The following TXNDC16 variants were observed in gnomAD, a reference collection of about 807,000 sequenced individuals.
TXNDC16 encodes the protein thioredoxin domain-containing protein 16.
A neutral mutation model predicts 85.6 loss-of-function variants in TXNDC16; 74 were observed. That is an observed-to-expected ratio of 0.86 (90% CI 0.72 to 1.05). TXNDC16 has a LOEUF of 1.05. TXNDC16 is among the 50% of genes least tolerant of loss of function. The pLI is 0.00. For synonymous variants in TXNDC16, 335 were observed against 326.5 expected (o/e 1.03, Z -0.28); for missense variants, 959 against 947.0 (o/e 1.01, Z -0.17).
Position 52,453,975 on chromosome 14 carries a change from G to A in TXNDC16, c.1842+1349C>T, listed in dbSNP as rs141671240. ...AATAAAGAAGACCTAGTATTTGCCA[G>A]TATAACAGGGTGATATAGTAAAAAA... On this transcript the variant is annotated intron_variant, in intron 18 of 20. Coordinates refer to ENST00000281741, the MANE Select transcript of TXNDC16 (RefSeq NM_020784.3). Among the ~76,000 whole-genome samples, 458 of 152,302 alleles carry A rather than the reference G, an allele frequency of 3.0e-3. 1 individual carries two copies. Among genetic ancestry groups the A allele is most frequent in the Non-Finnish European group, 4.0e-3 (270 of 68,020 alleles).
chr14:52,439,118 C>T (rs1020625418), intron 20 of TXNDC16, 86 bp downstream of exon 20: 21 of 1,345,434 alleles, frequency 1.6e-5, no homozygotes, highest in Non-Finnish European at 2.1e-5. Flanking sequence ...AATAACTCAT[C>T]CTACCATTCT....
At chr14:52,489,663 G>C (rs1394213216) in intron 11 of TXNDC16, among the ~76,000 whole-genome samples, 1 of 152,000 alleles carries the variant, frequency 6.6e-6, no homozygotes, top group East Asian at 1.9e-4. Flanking sequence ...TTTAAGTATA[G>C]AGTTTGATGG....
At chr14:52,504,569 A>AGT (rs2036745095) in intron 9 of TXNDC16, among the ~76,000 whole-genome samples, 1 of 152,250 alleles carries the variant, frequency 6.6e-6, no homozygotes, top group Non-Finnish European at 1.5e-5. Flanking sequence ...TCCTGAAGGA[A>AGT]GCAATAAACA....
chr14:52,445,192 C>G (rs1310377537), intron 18 of TXNDC16, among the ~76,000 whole-genome samples: 1 of 152,096 alleles, frequency 6.6e-6, no homozygotes, highest in Non-Finnish European at 1.5e-5. Context: ...TCCAAAAATA[C>G]TACACTATGT....
intron 4 of TXNDC16, among the ~76,000 whole-genome samples, chr14:52,541,712 T>G (rs1298065315): frequency 4.6e-5 from 7 of 152,162 alleles, no homozygotes; most frequent in Non-Finnish European, 7.4e-5. Flanking sequence ...CAGAAAGAAT[T>G]TAGTATCACT....
chr14:52,461,359 G>C (rs964358595), intron 16 of TXNDC16, among the ~76,000 whole-genome samples: 1 of 151,470 alleles, frequency 6.6e-6, no homozygotes, highest in African/African-American at 2.4e-5. Flanking sequence ...AATATATTTA[G>C]CTTTTTTATA....
intron 1 of TXNDC16, among the ~76,000 whole-genome samples, chr14:52,544,671 A>G (rs1278427485): frequency 6.6e-6 from 1 of 152,030 alleles, no homozygotes; most frequent in Admixed American, 6.6e-5. Context: ...CAATAAGCAC[A>G]TAATATCTCT....
At chr14:52,487,810 T>C (rs956356798) in intron 12 of TXNDC16, among the ~76,000 whole-genome samples, 2 of 152,080 alleles carry the variant, frequency 1.3e-5, no homozygotes, top group African/African-American at 2.4e-5. Context: ...CAGAGAATAA[T>C]AATCAAAGTA....
intron 6 of TXNDC16, among the ~76,000 whole-genome samples, chr14:52,520,036 T>C (rs1425634959): frequency 1.3e-5 from 2 of 152,230 alleles, no homozygotes; most frequent in Non-Finnish European, 2.9e-5. Context: ...TAAAAACTTA[T>C]AATACAGCCT....
intron 9 of TXNDC16, among the ~76,000 whole-genome samples, chr14:52,497,999 T>G (rs561037682): frequency 6.6e-6 from 1 of 151,344 alleles, no homozygotes; most frequent in African/African-American, 2.4e-5. Context: ...ACACAGAAAC[T>G]AATTAATGTA....
intron 6 of TXNDC16, among the ~76,000 whole-genome samples, chr14:52,534,085 G>A (rs1330580993): frequency 1.3e-5 from 2 of 152,142 alleles, no homozygotes; most frequent in East Asian, 1.9e-4. Flanking sequence ...TTGGAATATT[G>A]CATATGATCA....
chr14:52,477,509 G>A (rs145065516), intron 14 of TXNDC16, among the ~76,000 whole-genome samples: 24 of 152,162 alleles, frequency 1.6e-4, no homozygotes, highest in African/African-American at 5.3e-4. Context: ...CACCAAAAGC[G>A]AGCAGGGGTA....
intron 1 of TXNDC16, among the ~76,000 whole-genome samples, chr14:52,549,350 T>C (rs1392675374): frequency 6.6e-6 from 1 of 152,206 alleles, no homozygotes; most frequent in Admixed American, 6.5e-5. Flanking sequence ...ACTGTAAGAA[T>C]GGCTCCGTGA....
rs532247270 is a variant in TXNDC16 at position 52,517,253 on chromosome 14, T to A, written c.514+1919A>T. Among the ~76,000 whole-genome samples, 581 of 152,168 alleles carry A rather than the reference T, an allele frequency of 3.8e-3. 2 individuals carry two copies. The highest frequency in any genetic ancestry group is 6.5e-3 in the Non-Finnish European group (440 of 67,996). ...CCGTTTTTTAGGCTAAAAAATGTAA[T>A]CCAGGTTAACTCAGTGCTCAGCCTG... On this transcript the variant is annotated intron_variant, in intron 7 of 20. Coordinates refer to ENST00000281741, the MANE Select transcript of TXNDC16 (RefSeq NM_020784.3).
intron 6 of TXNDC16, among the ~76,000 whole-genome samples, chr14:52,532,936 C>A (rs760886714): frequency 7.9e-5 from 12 of 152,122 alleles, no homozygotes; most frequent in Non-Finnish European, 1.2e-4. Flanking sequence ...TTGTAAATAT[C>A]GTTACTGGGA....
At chr14:52,537,507 G>A (rs1190262269) in intron 5 of TXNDC16, 92 bp downstream of exon 5, 1 of 948,268 alleles carries the variant, frequency 1.1e-6, no homozygotes, top group South Asian at 1.4e-5. Flanking sequence ...CCCTACATAT[G>A]ACTTTATTCT....
chr14:52,449,265 T>C lies in TXNDC16; in HGVS notation c.1842+6059A>G, dbSNP rs2035354447. 2.0e-5 allele frequency among the ~76,000 whole-genome samples: 3 copies of C among 152,066 alleles called. No homozygotes were observed. In the South Asian group the frequency reaches 6.2e-4, roughly 32 times the overall value. On this transcript the variant is annotated intron_variant, in intron 18 of 20. Transcript: ENST00000281741. ...TAAAAGGATGGAAAAAGATAATCCATGCCAATGGAAACCAAAAAGAGCAGG... is the reference window on the plus strand; with the variant it reads ...TAAAAGGATGGAAAAAGATAATCCACGCCAATGGAAACCAAAAAGAGCAGG...
chr14:52,510,991 A>G (rs929175199), intron 9 of TXNDC16, among the ~76,000 whole-genome samples: 4 of 152,178 alleles, frequency 2.6e-5, no homozygotes, highest in Admixed American at 2.0e-4. Flanking sequence ...TTGGGTTTCA[A>G]TGCAATAATA....
chr14:52,490,319 A>G lies in TXNDC16; in HGVS notation c.984+72T>C, dbSNP rs181667636. ...TTACAGATTTTTCTATAATAAAAAT[A>G]TATTAAAGACCACATATATTAGCTT... On this transcript the variant is annotated intron_variant, in intron 11 of 20. Transcript: ENST00000281741. 2.2e-4 allele frequency: 228 copies of G among 1,036,628 alleles called. 1 individual carries two copies. In the East Asian group the frequency reaches 6.8e-3, roughly 31 times the overall value. 64.2% of individuals were successfully genotyped at this position (1,036,628 alleles called of 1,614,324 possible).
Sources: gnomAD v4.1 joint callset for allele counts (sites outside exome capture counted in the v4.1 genomes callset) on GRCh38, gnomAD v4.1.1 for gene constraint, MANE v1.5 for transcripts, NCBI Gene and HGNC (gene_info 2026-07-23, HGNC 2026-07-21) for gene names.